Variants in AFAP1 observed in about 807,000 individuals in gnomAD.
AFAP1 encodes actin filament-associated protein 1.
In AFAP1, 75 loss-of-function variants were observed where a neutral mutation model predicts 93.9. The ratio of observed to expected loss-of-function variants is 0.80; its 90% CI spans 0.66 to 0.97. The LOEUF (loss-of-function observed/expected upper bound fraction) is 0.97. AFAP1 is among the 50% of genes least tolerant of loss of function. AFAP1 has a pLI of 0.00. For missense variants in AFAP1, 1,201 were observed against 1,050.8 expected, an observed-to-expected ratio of 1.14 and a Z score of -1.98; for synonymous variants, 517 against 430.7, an observed-to-expected ratio of 1.20 and a Z score of -2.48.
intron 6 of AFAP1, among the ~76,000 whole-genome samples, chr4:7,825,250 A>T (rs140256943): frequency 1.6e-4 from 24 of 152,304 alleles, no homozygotes; most frequent in African/African-American, 5.5e-4. Flanking sequence ...AATGTACCCT[A>T]TGCTTCCCGA....
intron 1 of AFAP1, among the ~76,000 whole-genome samples, chr4:7,895,049 C>T (rs1718686821): frequency 6.6e-6 from 1 of 152,218 alleles, no homozygotes; most frequent in Non-Finnish European, 1.5e-5. Context: ...TTAAGAACAT[C>T]GTTGGTCTCA....
intron 9 of AFAP1, among the ~76,000 whole-genome samples, chr4:7,806,279 G>GA (rs1306913909): frequency 1.3e-5 from 2 of 152,218 alleles, no homozygotes; most frequent in African/African-American, 4.8e-5. Flanking sequence ...ACATTAATAT[G>GA]AAAGGCAATT....
rs375971286 is a variant in AFAP1, at chr4:7,768,320, G to T, written c.2418+524C>A. 2.6e-5 allele frequency among the ~76,000 whole-genome samples: 4 copies of T among 152,382 alleles called. 1 individual carries two copies. The highest frequency in any genetic ancestry group is 6.5e-5 in the Admixed American group (1 of 15,310). ...CAAAGGTTAGCATCAAAACTTGCTA[G>T]TGGCTAATCCCATGAGAAGACCGGA... is the stretch of plus-strand genomic sequence containing the variant. On this transcript the variant is annotated intron_variant, in intron 17 of 17. Coordinates refer to ENST00000420658, the MANE Select transcript of AFAP1 (RefSeq NM_001134647.2).
intron 6 of AFAP1, among the ~76,000 whole-genome samples, chr4:7,836,314 A>G (rs1190735337): frequency 6.6e-6 from 1 of 152,242 alleles, no homozygotes; most frequent in Non-Finnish European, 1.5e-5. Context: ...GCCAGCCACG[A>G]AAGCCCAAGT....
intron 12 of AFAP1, 87 bp from the exon 13 acceptor site, chr4:7,781,714 CG>C (rs1716793061): frequency 2.0e-6 from 3 of 1,492,828 alleles, no homozygotes; most frequent in Non-Finnish European, 2.7e-6. Context: ...ATTAATAGTA[CG>C]GCATTTAGCA....
chr4:7,919,345 T>C (rs1207632821), intron 1 of AFAP1, among the ~76,000 whole-genome samples: 1 of 152,238 alleles, frequency 6.6e-6, no homozygotes, highest in Non-Finnish European at 1.5e-5. Context: ...TCAGCGTCTG[T>C]ACACTTCAGG....
At chr4:7,814,537 G>T (rs534478860) in intron 8 of AFAP1, among the ~76,000 whole-genome samples, 4 of 152,216 alleles carry the variant, frequency 2.6e-5, no homozygotes, top group Non-Finnish European at 4.4e-5. Context: ...TTCAAGAGGT[G>T]AATGGGCTGA....
At chr4:7,889,474 A>T (rs927128042) in intron 1 of AFAP1, among the ~76,000 whole-genome samples, 8 of 147,020 alleles carry the variant, frequency 5.4e-5, no homozygotes, top group African/African-American at 2.0e-4. Flanking sequence ...AATCATTTGA[A>T]CCCAGGAGGT....
chr4:7,936,334 T>C (rs1188948032), intron 1 of AFAP1, among the ~76,000 whole-genome samples: 1 of 152,042 alleles, frequency 6.6e-6, no homozygotes, highest in Non-Finnish European at 1.5e-5. Flanking sequence ...ATTTACCTTT[T>C]TATTTTTTAC....
chr4:7,895,498 C>T (rs1718710854), intron 1 of AFAP1, among the ~76,000 whole-genome samples: 1 of 152,166 alleles, frequency 6.6e-6, no homozygotes, highest in African/African-American at 2.4e-5. Context: ...CAGCATAACA[C>T]ATAGTAAGTG....
At chr4:7,902,187 G>C (rs940954831) in intron 1 of AFAP1, among the ~76,000 whole-genome samples, 1 of 152,152 alleles carries the variant, frequency 6.6e-6, no homozygotes, top group Non-Finnish European at 1.5e-5. Flanking sequence ...CTGGTTAGGG[G>C]ACAGATAATA....
Position 7,808,309 on chromosome 4 carries a change from C to A in AFAP1, c.1054+1305G>T, listed in dbSNP as rs545556642. On this transcript the variant is annotated intron_variant, in intron 9 of 17. Coordinates refer to ENST00000420658, the MANE Select transcript of AFAP1 (RefSeq NM_001134647.2). The stretch of plus-strand genomic sequence containing the variant: ...ACCCATGTCTTCATGGAGACCACCC[C>A]ACAATGCTGGATCCCCCCGGCCCAC... Among the ~76,000 whole-genome samples the A allele has an allele frequency of 3.3e-4, 50 of 152,348 alleles. No individual in the cohort carries two copies. In the South Asian group the frequency reaches 9.9e-3, roughly 30 times the overall value.
intron 1 of AFAP1, among the ~76,000 whole-genome samples, chr4:7,893,734 C>T (rs1001473943): frequency 2.6e-5 from 4 of 152,112 alleles, no homozygotes; most frequent in African/African-American, 7.2e-5. Context: ...TTCTGACTCA[C>T]TCTTCTGGGA....
At chr4:7,895,830 G>A (rs1718728403) in intron 1 of AFAP1, among the ~76,000 whole-genome samples, 2 of 149,846 alleles carry the variant, frequency 1.3e-5, no homozygotes, top group South Asian at 4.2e-4. Context: ...ACTTCTACAT[G>A]GAAGTGTGTG....
intron 1 of AFAP1, among the ~76,000 whole-genome samples, chr4:7,931,274 T>G (rs1721048919): frequency 6.6e-6 from 1 of 152,196 alleles, no homozygotes; most frequent in Non-Finnish European, 1.5e-5. Context: ...TTCTAAGCCT[T>G]GTTAATTTCT....
At chr4:7,849,163 C>T (rs528164043) in intron 4 of AFAP1, among the ~76,000 whole-genome samples, 1 of 152,246 alleles carries the variant, frequency 6.6e-6, no homozygotes, top group South Asian at 2.1e-4. Context: ...AATGCACTGG[C>T]TTTGCTGAGG....
At chr4:7,827,836 G>GT (rs1444669215) in intron 6 of AFAP1, among the ~76,000 whole-genome samples, 1 of 152,152 alleles carries the variant, frequency 6.6e-6, no homozygotes, top group African/African-American at 2.4e-5. Flanking sequence ...CAAAGGGCGG[G>GT]TGACGTCTCA....
At chr4:7,827,895 G>A (rs1451965248) in intron 6 of AFAP1, among the ~76,000 whole-genome samples, 1 of 152,108 alleles carries the variant, frequency 6.6e-6, no homozygotes, top group Admixed American at 6.5e-5. Context: ...AAGGCTCCGA[G>A]AGTTGACTTC....
chr4:7,884,178 T>C (rs1220628906), intron 1 of AFAP1, among the ~76,000 whole-genome samples: 1 of 152,188 alleles, frequency 6.6e-6, no homozygotes, highest in Non-Finnish European at 1.5e-5. Flanking sequence ...CCTTCCACCA[T>C]GACTGGAAAC....
Sources: gnomAD v4.1 joint callset for allele counts (sites outside exome capture counted in the v4.1 genomes callset) on GRCh38, gnomAD v4.1.1 for gene constraint, MANE v1.5 for transcripts, NCBI Gene and HGNC (gene_info 2026-07-23, HGNC 2026-07-21) for gene names.